Variants in RFX3 observed in about 807,000 individuals in gnomAD.
RFX3 encodes the protein regulatory factor X3, also known as transcription factor RFX3.
RFX3 carries 14 observed loss-of-function variants against 98.6 expected under a neutral mutation model. That is an observed-to-expected ratio of 0.14 (90% confidence interval 0.09 to 0.22). The LOEUF is 0.22. RFX3 is among the 10% of genes least tolerant of loss of function. The pLI is 1.00. For missense variants in RFX3, 639 were observed against 926.9 expected, an observed-to-expected ratio of 0.69 and a Z score of 4.03; for synonymous variants, 383 against 328.4, an observed-to-expected ratio of 1.17 and a Z score of -1.80.
intron 1 of RFX3, chr9:3,400,233 T>C: frequency 2.0e-6 from 2 of 982,350 alleles, no homozygotes; most frequent in Non-Finnish European, 2.4e-6. Flanking sequence ...CTGATGAATT[T>C]TTAGAATGAG....
intron 1 of RFX3, among the ~76,000 whole-genome samples, chr9:3,449,387 G>C (rs1458630609): frequency 1.3e-5 from 2 of 152,258 alleles, no homozygotes; most frequent in Non-Finnish European, 2.9e-5. Context: ...CTATGCACTA[G>C]TCATGTTTGC....
chr9:3,296,795 C>T (rs1828050679), intron 5 of RFX3, among the ~76,000 whole-genome samples: 1 of 151,930 alleles, frequency 6.6e-6, no homozygotes, highest in Non-Finnish European at 1.5e-5. Flanking sequence ...CCTGCAGGTC[C>T]CAGCTAGGAA....
At position 3,270,535 on chromosome 9, in the gene RFX3, A is replaced by C. The variant is rs1260392210; in HGVS notation, c.1203-10T>G. ...TATTTCACTCAGATTGCTGGTGTGA[A>C]TAAATGTAGCAAATGAATAGATGGC... On this transcript the variant is annotated splice_polypyrimidine_tract_variant and intron_variant, in intron 10 of 16. Transcript: ENST00000617270. 6.2e-7 allele frequency: 1 copy of C among 1,606,962 alleles called. No individual in the cohort carries two copies. Among genetic ancestry groups the C allele is most frequent in the Non-Finnish European group, 8.5e-7 (1 of 1,177,608 alleles).
At chr9:3,442,337 A>G (rs982774224) in intron 1 of RFX3, among the ~76,000 whole-genome samples, 1 of 151,834 alleles carries the variant, frequency 6.6e-6, no homozygotes, top group African/African-American at 2.4e-5. Flanking sequence ...ACCTCTCCCA[A>G]AAAAAAATCA....
At chr9:3,354,380 C>CA (rs1397541122) in intron 2 of RFX3, among the ~76,000 whole-genome samples, 3 of 151,412 alleles carry the variant, frequency 2.0e-5, no homozygotes, top group South Asian at 2.1e-4. Flanking sequence ...CCATCTCTAC[C>CA]AAAAAACATT....
At chr9:3,419,483 G>A (rs1397170650) in intron 1 of RFX3, among the ~76,000 whole-genome samples, 5 of 152,090 alleles carry the variant, frequency 3.3e-5, no homozygotes, top group Non-Finnish European at 5.9e-5. Flanking sequence ...TTGACACTGA[G>A]GCAAACCCTT....
At chr9:3,476,744 A>G (rs1025540653) in intron 1 of RFX3, among the ~76,000 whole-genome samples, 2 of 152,198 alleles carry the variant, frequency 1.3e-5, no homozygotes, top group Non-Finnish European at 1.5e-5. Flanking sequence ...AAATGTTACA[A>G]ACAAAAACGC....
intron 5 of RFX3, among the ~76,000 whole-genome samples, chr9:3,298,346 C>T (rs144020649): frequency 3.2e-4 from 49 of 151,914 alleles, no homozygotes; most frequent in African/African-American, 1.2e-3. Context: ...ACGATGTTCA[C>T]ATATATATCT....
At chr9:3,262,592 A>C (rs1823056607) in intron 13 of RFX3, among the ~76,000 whole-genome samples, 1 of 152,260 alleles carries the variant, frequency 6.6e-6, no homozygotes. Context: ...AGAGCAGTTA[A>C]GTAACGCAAT....
chr9:3,514,266 C>T (rs1412114511), intron 1 of RFX3, among the ~76,000 whole-genome samples: 1 of 152,062 alleles, frequency 6.6e-6, no homozygotes, highest in Non-Finnish European at 1.5e-5. Flanking sequence ...ATGGATAATG[C>T]AAAAATCAGT....
intron 3 of RFX3, among the ~76,000 whole-genome samples, chr9:3,331,809 A>G (rs1223005242): frequency 6.6e-6 from 1 of 152,164 alleles, no homozygotes; most frequent in East Asian, 1.9e-4. Context: ...CTCTTAGTAA[A>G]CAATCTTACA....
Position 3,497,142 on chromosome 9 carries a change from T to C in RFX3, c.-9+28605A>G, listed in dbSNP as rs75231147. On this transcript the variant is annotated intron_variant, in intron 1 of 16. Coordinates refer to ENST00000617270, the MANE Select transcript of RFX3 (RefSeq NM_001282116.2). ...ATGCCATACCTCGTGATGTGAAATA[T>C]AGTGACAAAGTCTTGAAATGTTACA... is the stretch of plus-strand genomic sequence containing the variant. Among the ~76,000 whole-genome samples the C allele has an allele frequency of 7.7e-3, 1,169 of 152,154 alleles. 14 individuals are homozygous for C. The highest frequency in any genetic ancestry group is 0.026 in the African/African-American group (1,098 of 41,564).
chr9:3,326,348 T>C lies in RFX3; in HGVS notation c.474+3911A>G, dbSNP rs1290327011. Among the ~76,000 whole-genome samples, 8 of 152,318 alleles carry C rather than the reference T, an allele frequency of 5.3e-5. No homozygotes were observed. The South Asian group carries it at 1.5e-3, about 28-fold the overall frequency. Reference sequence around the variant, plus strand: ...TGACTTTATAAACTTTTATTTTAAGTTCAGGGGTATTTGTGCAGGATGGGC... The same window carrying C: ...TGACTTTATAAACTTTTATTTTAAGCTCAGGGGTATTTGTGCAGGATGGGC... On this transcript the variant is annotated intron_variant, in intron 4 of 16. Transcript: ENST00000617270.
At chr9:3,419,298 T>C (rs1047806387) in intron 1 of RFX3, among the ~76,000 whole-genome samples, 1 of 152,232 alleles carries the variant, frequency 6.6e-6, no homozygotes, top group African/African-American at 2.4e-5. Flanking sequence ...TTATACTTTA[T>C]AATATCTTCC....
rs1849853379 is a variant in RFX3 at position 3,482,433 on chromosome 9, T to C, written c.-9+43314A>G. On this transcript the variant is annotated intron_variant, in intron 1 of 16. Coordinates refer to ENST00000617270, the MANE Select transcript of RFX3 (RefSeq NM_001282116.2). ...AGCACAAGAACATACATATTTTTAC[T>C]TTCTTTGTACGTTTCTGTATTTTCT... Among the ~76,000 whole-genome samples the C allele has an allele frequency of 5.3e-5, 8 of 152,182 alleles. No homozygotes were observed. The South Asian group carries it at 1.7e-3, about 31-fold the overall frequency.
At chr9:3,447,259 T>C (rs1846136163) in intron 1 of RFX3, among the ~76,000 whole-genome samples, 1 of 152,102 alleles carries the variant, frequency 6.6e-6, no homozygotes, top group Non-Finnish European at 1.5e-5. Context: ...CTCTATAAAG[T>C]ACTCAGTCAA....
chr9:3,365,567 C>A (rs1343972512), intron 2 of RFX3, among the ~76,000 whole-genome samples: 1 of 152,138 alleles, frequency 6.6e-6, no homozygotes, highest in African/African-American at 2.4e-5. Context: ...AACCATAATA[C>A]TCCTCTAGCA....
Position 3,222,498 on chromosome 9 carries a change from ATG to A in RFX3, c.*2542_*2543del, listed in dbSNP as rs1817390095. 1 of 152,222 alleles carries A rather than the reference ATG, an allele frequency of 6.6e-6. No homozygotes were observed. Among genetic ancestry groups the A allele is most frequent in the South Asian group, 2.1e-4 (1 of 4,836 alleles). The allele number at this position is 152,222 out of a possible 1,614,324, so 9.4% of individuals were successfully genotyped here. A position where few individuals can be genotyped will look rare whatever the true frequency, so the allele number is the denominator to read the frequency against. ...AATATATCCAACATTAAATTAAACA[ATG>A]ATAATAAATACATTTAAAGTCATTC... On this transcript the variant is annotated 3_prime_UTR_variant, in exon 17 of 17. Transcript: ENST00000617270.
At chr9:3,358,583 A>G (rs1416214212) in intron 2 of RFX3, among the ~76,000 whole-genome samples, 1 of 152,178 alleles carries the variant, frequency 6.6e-6, no homozygotes, top group African/African-American at 2.4e-5. Flanking sequence ...AAGTTAACGA[A>G]TTGACAAAGT....
Sources: allele counts gnomAD v4.1 joint callset (sites outside exome capture counted in the v4.1 genomes callset), GRCh38; gene constraint gnomAD v4.1.1; transcripts MANE v1.5; gene names NCBI Gene and HGNC (gene_info 2026-07-23, HGNC 2026-07-21).